HEPH: variants seen among roughly 807,000 people sequenced by gnomAD.
HEPH encodes hephaestin.
A neutral mutation model predicts 80.8 loss-of-function variants in HEPH; 69 were observed. The observed-to-expected ratio is 0.85, with a 90% CI of 0.70 to 1.04. The LOEUF is 1.04. HEPH is among the 50% of genes least tolerant of loss of function. HEPH has a pLI of 0.00. For missense variants in HEPH, 1,115 were observed against 891.3 expected, an observed-to-expected ratio of 1.25 and a Z score of -3.20; for synonymous variants, 431 against 322.8, an observed-to-expected ratio of 1.34 and a Z score of -3.60.
chrX:66,254,820 G>A (rs766256289), intron 15 of HEPH, among the ~76,000 whole-genome samples: 4 of 104,934 alleles, frequency 3.8e-5, no homozygotes, highest in South Asian at 9.3e-4. Flanking sequence ...TAGAGGATTG[G>A]ACCTGGGCCT....
chrX:66,247,926 C>T (rs757228135), intron 15 of HEPH, among the ~76,000 whole-genome samples: 10 of 111,778 alleles, frequency 8.9e-5, no homozygotes, highest in African/African-American at 3.2e-4. Context: ...GTTATATTAG[C>T]CACATGTGAC....
At chrX:66,214,864 T>C (rs2089319526) in intron 15 of HEPH, among the ~76,000 whole-genome samples, 1 of 111,480 alleles carries the variant, frequency 9.0e-6, no homozygotes, top group Admixed American at 9.5e-5. Flanking sequence ...ATTCAGTTCT[T>C]GCAATAATAT....
chrX:66,176,735 T>G (rs997471161), intron 4 of HEPH, among the ~76,000 whole-genome samples: 1 of 111,042 alleles, frequency 9.0e-6, no homozygotes, highest in African/African-American at 3.3e-5. Context: ...CACCTATGAT[T>G]GAGAACATGC....
At chrX:66,230,383 G>A (rs1473345678) in intron 15 of HEPH, among the ~76,000 whole-genome samples, 1 of 104,089 alleles carries the variant, frequency 9.6e-6, no homozygotes, top group Non-Finnish European at 1.9e-5. Flanking sequence ...CTAGTTTACA[G>A]TCCCACCAAC....
intron 12 of HEPH, 152 bp from the exon 13 acceptor site, chrX:66,203,212 T>C (rs1187468717): frequency 4.4e-6 from 2 of 451,922 alleles, no homozygotes; most frequent in Non-Finnish European, 7.5e-6. Context: ...CTTTAAATAC[T>C]CTTTTATCTA....
chrX:66,180,683 G>A (rs1224129261), intron 4 of HEPH, among the ~76,000 whole-genome samples: 1 of 58,890 alleles, frequency 1.7e-5, no homozygotes, highest in Non-Finnish European at 2.9e-5. Context: ...TGTTTGTACA[G>A]CTGTGTGAAT....
chrX:66,230,174 A>G (rs1221743300), intron 15 of HEPH, among the ~76,000 whole-genome samples: 2 of 85,756 alleles, frequency 2.3e-5, no homozygotes, highest in Non-Finnish European at 4.5e-5. Flanking sequence ...CCAGTCTATC[A>G]TTGTTGGACA....
chrX:66,260,170 C>T lies in HEPH; in HGVS notation c.3107C>T (p.Ala1036Val). ...ACTTTTGAGGTTGTGGAGATGGTGG[C>T]CAGCAACCCTGGGACATGGCTGATG... ...PGTFEVVEMVASNPGTWLMHC... is the reference protein window; with the variant it reads ...PGTFEVVEMVVSNPGTWLMHC... Residue 1036 changes from alanine (A) to valine (V), a missense_variant, in exon 19 of 21, where the codon GCC (alanine) becomes GTC (valine). Coordinates refer to ENST00000343002, the MANE Select transcript of HEPH (RefSeq NM_001367233.3). 1 of 1,206,401 alleles carries T rather than the reference C, an allele frequency of 8.3e-7. No homozygotes were observed. Among genetic ancestry groups the T allele is most frequent in the Non-Finnish European group, 1.1e-6 (1 of 891,019 alleles).
intron 15 of HEPH, among the ~76,000 whole-genome samples, chrX:66,246,517 T>TAA (rs1192106645): frequency 2.7e-5 from 3 of 110,863 alleles, no homozygotes; most frequent in Admixed American, 1.9e-4. Flanking sequence ...CTTGTAGAGT[T>TAA]TCCCTTGGAG....
At chrX:66,184,551 C>T (rs1297516267) in intron 4 of HEPH, among the ~76,000 whole-genome samples, 2 of 41,789 alleles carry the variant, frequency 4.8e-5, no homozygotes, top group Non-Finnish European at 7.6e-5. Flanking sequence ...TTTCTATTGG[C>T]TTGGTAGATC....
intron 15 of HEPH, among the ~76,000 whole-genome samples, chrX:66,233,748 A>G (rs1246773260): frequency 9.0e-6 from 1 of 110,633 alleles, no homozygotes; most frequent in Non-Finnish European, 1.9e-5. Flanking sequence ...TTGAATATAT[A>G]CATTTCCAAA....
At chrX:66,165,195 C>A (rs2086301375) in intron 1 of HEPH, among the ~76,000 whole-genome samples, 1 of 111,693 alleles carries the variant, frequency 9.0e-6, no homozygotes, top group South Asian at 3.7e-4. Context: ...TTTATTTGGG[C>A]CTCAAGACAA....
chrX:66,192,153 G>A lies in HEPH; in HGVS notation c.1087G>A (p.Val363Ile), dbSNP rs764814876. The change falls in exon 7 of 21, where the codon GTC (valine) becomes ATC (isoleucine). Residue 363 changes from valine (V) to isoleucine (I), a missense_variant. By Grantham distance (29) the Val-to-Ile change is conservative (BLOSUM62 3). Transcript: ENST00000343002. ...AGATGGCATGCAGGCACTCTACAAG[G>A]TCAAGTCTTGCTCCATGGCCCCTCC... ...FRDGMQALYK[V>I]KSCSMAPPVD... The A allele has an allele frequency of 3.3e-6, 4 of 1,209,495 alleles. No homozygotes were observed. The highest frequency in any genetic ancestry group is 4.5e-6 in the Non-Finnish European group (4 of 894,743).
Position 66,189,792 on chromosome X carries a change from C to A in HEPH, c.917C>A (p.Ala306Glu). The part of the protein sequence containing the change: ...GMGNEIDVHT[A>E]FFHGQMLTTR... ...GGCAATGAAATTGATGTCCACACAG[C>A]ATTTTTCCATGGACAGATGCTGACT... Residue 306 changes from alanine (A) to glutamate (E), a missense_variant, in exon 6 of 21, where the codon GCA becomes GAA. By Grantham distance (107) the Ala-to-Glu change is moderately radical (BLOSUM62 -1). Transcript: ENST00000343002. The A allele has an allele frequency of 2.5e-6, 3 of 1,211,305 alleles. No homozygotes were observed. The highest frequency in any genetic ancestry group is 3.4e-6 in the Non-Finnish European group (3 of 895,351).
chrX:66,189,598 T>G (rs2087681408), intron 5 of HEPH, 86 bp from the exon 6 acceptor site: 1 of 987,935 alleles, frequency 1.0e-6, no homozygotes. Flanking sequence ...CATTTAAATA[T>G]TATCTATTAT....
At position 66,256,065 on chromosome X, in the gene HEPH, T is replaced by A. The variant is rs772951049; in HGVS notation, c.2671-40T>A. ...CGGAGTACTGCTACCCAGAAACAAC[T>A]CCATCTCTTTCTCTCTCTCCCACTT... is the stretch of plus-strand genomic sequence containing the variant. On this transcript the variant is annotated intron_variant, in intron 16 of 20. Transcript: ENST00000343002. 4 of 1,086,947 alleles carry A rather than the reference T, an allele frequency of 3.7e-6. No homozygotes were observed. In the Admixed American group the frequency reaches 7.1e-5, roughly 19 times the overall value. The allele number at this position is 1,086,947 out of a possible 1,213,427, so 89.6% of individuals were successfully genotyped here. A position where few individuals can be genotyped will look rare whatever the true frequency, so the allele number is the denominator to read the frequency against.
intron 15 of HEPH, among the ~76,000 whole-genome samples, chrX:66,215,412 T>C (rs1338345789): frequency 9.0e-6 from 1 of 111,190 alleles, no homozygotes; most frequent in East Asian, 2.8e-4. Context: ...TCACCAATAC[T>C]AGTGATGGTA....
chrX:66,211,648 A>C (rs1164807895), intron 15 of HEPH, among the ~76,000 whole-genome samples: 2 of 111,533 alleles, frequency 1.8e-5, no homozygotes, highest in African/African-American at 6.5e-5. Context: ...ATTTCCATCC[A>C]TGTTGCTGCA....
chrX:66,207,110 T>G, intron 13 of HEPH, 85 bp from the exon 14 acceptor site: 2 of 867,422 alleles, frequency 2.3e-6, no homozygotes, highest in Non-Finnish European at 3.1e-6. Flanking sequence ...ATGAAGCTGG[T>G]TCTGACTTAG....
Sources: gnomAD v4.1 joint callset for allele counts (sites outside exome capture counted in the v4.1 genomes callset) on GRCh38, gnomAD v4.1.1 for gene constraint, MANE v1.5 for transcripts, NCBI Gene and HGNC (gene_info 2026-07-23, HGNC 2026-07-21) for gene names.